The following CERCAM variants were observed in gnomAD, a reference collection of about 807,000 sequenced individuals.
CERCAM encodes the protein cerebral endothelial cell adhesion molecule.
In CERCAM, 59 loss-of-function variants were observed where a neutral mutation model predicts 66.0. That is an observed-to-expected ratio of 0.89 (90% CI 0.73 to 1.11). The LOEUF is 1.11. CERCAM is among the 50% of genes most tolerant of loss of function. CERCAM has a pLI of 0.00. For missense variants in CERCAM, 840 were observed against 828.3 expected (o/e 1.01, Z -0.17); for synonymous variants, 318 against 343.6 (o/e 0.93, Z 0.83).
intron 1 of CERCAM, 148 bp from the exon 2 acceptor site, chr9:128,422,720 G>A (rs1186036461): frequency 1.2e-6 from 1 of 851,852 alleles, no homozygotes; most frequent in Non-Finnish European, 1.8e-6. Context: ...TGGCTGTGCT[G>A]CCTCCAGCCT....
intron 5 of CERCAM, among the ~76,000 whole-genome samples, chr9:128,426,437 G>A (rs775233277): frequency 2.6e-5 from 4 of 151,824 alleles, no homozygotes; most frequent in Non-Finnish European, 5.9e-5. Context: ...ATCTTAAGAC[G>A]GTGAAACCCC....
intron 3 of CERCAM, among the ~76,000 whole-genome samples, chr9:128,423,670 G>A (rs1833767989): frequency 1.3e-5 from 2 of 151,876 alleles, no homozygotes; most frequent in African/African-American, 4.8e-5. Context: ...CCACCCGAAG[G>A]CTGGATCCTT....
intron 5 of CERCAM, among the ~76,000 whole-genome samples, chr9:128,425,815 CTTTT>C (rs75397129): frequency 9.3e-6 from 1 of 107,434 alleles, no homozygotes; most frequent in Non-Finnish European, 1.8e-5. Flanking sequence ...CCAGCCCAGC[CTTTT>C]TTTTTTTTTT....
At position 128,434,633 on chromosome 9, in the gene CERCAM, C is replaced by T. The variant is rs556340493; in HGVS notation, c.1535+20C>T. The T allele has an allele frequency of 1.0e-5, 16 of 1,551,904 alleles. No homozygotes were observed. Among genetic ancestry groups the T allele is most frequent in the South Asian group, 3.4e-5 (3 of 88,374 alleles). ...CCCCAAGTGAGGCTCTGATGGGGGC[C>T]GGGCATGGCAGGGCAGAGGCGTCCC... On this transcript the variant is annotated intron_variant, in intron 11 of 12. Transcript: ENST00000372838. The surrounding 1 kb of genome is among the most constrained non-coding windows in gnomAD (Gnocchi z 4.5).
At chr9:128,424,002 G>A in intron 3 of CERCAM, 136 bp from the exon 4 acceptor site, 1 of 946,120 alleles carries the variant, frequency 1.1e-6, no homozygotes, top group Admixed American at 2.3e-5. Flanking sequence ...GATGTACTGA[G>A]TTTGTGAGAC....
chr9:128,421,260 A>G, intron 1 of CERCAM, 186 bp downstream of exon 1: 6 of 1,234,806 alleles, frequency 4.9e-6, no homozygotes, highest in Non-Finnish European at 6.1e-6. Flanking sequence ...CTGGGAGACG[A>G]CAGACCTCTG....
rs1834127661 is a variant in CERCAM at position 128,437,016 on chromosome 9, A to T, written c.*168A>T. ...TCTTTCATCGGGAGAAACCACTCAG[A>T]GATGGATCCCATTCCCTAAAGGTCT... is the stretch of plus-strand genomic sequence containing the variant. On this transcript the variant is annotated 3_prime_UTR_variant, in exon 13 of 13. Coordinates refer to ENST00000372838, the MANE Select transcript of CERCAM (RefSeq NM_016174.5). 1 of 152,318 alleles carries T rather than the reference A, an allele frequency of 6.6e-6. No individual in the cohort carries two copies. The highest frequency in any genetic ancestry group is 1.5e-5 in the Non-Finnish European group (1 of 68,140). The allele number at this position is 152,318 out of a possible 1,614,324, so 9.4% of individuals were successfully genotyped here. A position where few individuals can be genotyped will look rare whatever the true frequency, so the allele number is the denominator to read the frequency against.
chr9:128,429,620 G>T (rs570252471), intron 8 of CERCAM, among the ~76,000 whole-genome samples: 17 of 151,748 alleles, frequency 1.1e-4, no homozygotes, highest in Non-Finnish European at 1.8e-4. Flanking sequence ...TTTTTTTAGA[G>T]ACAGCGTCTC....
upstream of CERCAM, chr9:128,420,802 G>GGGCCCCAGGCCCCGCCCC (rs1219100430): frequency 7.9e-6 from 5 of 629,600 alleles, no homozygotes; most frequent in Non-Finnish European, 4.3e-6. This position sits in a 1 kb window ranked among gnomAD's most constrained non-coding sequence, Gnocchi z 5.0. Flanking sequence ...GGCCCCGCCC[G>GGGCCCCAGGCCCCGCCCC]GGCCCCAGGC....
chr9:128,433,994 G>C, intron 9 of CERCAM, 108 bp from the exon 10 acceptor site: 1 of 1,464,416 alleles, frequency 6.8e-7, no homozygotes, highest in African/African-American at 1.4e-5. Context: ...GCAACTGCAT[G>C]ATGTGGCCAG....
chr9:128,425,816 T>G (rs1359770811), intron 5 of CERCAM, among the ~76,000 whole-genome samples: 1 of 75,452 alleles, frequency 1.3e-5, no homozygotes, highest in Non-Finnish European at 2.4e-5. Context: ...CAGCCCAGCC[T>G]TTTTTTTTTT....
At position 128,434,224 on chromosome 9, in the gene CERCAM, C is replaced by G; in HGVS notation, c.1326C>G (p.Asp442Glu). The change falls in exon 10 of 13, where the codon GAC becomes GAG. Residue 442 changes from aspartate (D) to glutamate (E), a missense_variant. By Grantham distance (45) the Asp-to-Glu change is conservative. Coordinates refer to ENST00000372838, the MANE Select transcript of CERCAM (RefSeq NM_016174.5). The surrounding 1 kb of genome is among the most constrained non-coding windows in gnomAD (Gnocchi z 4.5). ...EDVEAEKLSW[D>E]LIYLGRKQVN... ...TGGAGGCAGAGAAACTGTCTTGGGACCTGATGTAGGCAGCCTGCACCCTCA... is the reference window on the plus strand; with the variant it reads ...TGGAGGCAGAGAAACTGTCTTGGGAGCTGATGTAGGCAGCCTGCACCCTCA... 1 of 1,613,992 alleles carries G rather than the reference C, an allele frequency of 6.2e-7. No homozygotes were observed. Among genetic ancestry groups the G allele is most frequent in the Non-Finnish European group, 8.5e-7 (1 of 1,179,976 alleles).
intron 5 of CERCAM, 152 bp downstream of exon 5, chr9:128,424,766 T>A: frequency 2.1e-5 from 3 of 143,936 alleles, no homozygotes; most frequent in Non-Finnish European, 4.1e-5. Context: ...TTTCTCTCTC[T>A]TTTTTTTTTT....
At position 128,434,055 on chromosome 9, in the gene CERCAM, G is replaced by T. The variant is rs2072398; in HGVS notation, c.1204-47G>T. ...TGAGCTTCAGCGTGGAGGGAGGGGG[G>T]TTGTTTAACTCCGAAGAGCCATCTC... is the stretch of plus-strand genomic sequence containing the variant. On this transcript the variant is annotated intron_variant, in intron 9 of 12. Transcript: ENST00000372838. This position sits in a 1 kb window ranked among gnomAD's most constrained non-coding sequence, Gnocchi z 4.5. 9.4e-6 allele frequency: 15 copies of T among 1,603,986 alleles called. No homozygotes were observed. The highest frequency in any genetic ancestry group is 8.9e-5 in the South Asian group (8 of 89,502).
chr9:128,429,850 G>T (rs548141542), intron 8 of CERCAM, among the ~76,000 whole-genome samples: 3 of 151,576 alleles, frequency 2.0e-5, no homozygotes, highest in African/African-American at 7.3e-5. Flanking sequence ...GTGCAGTGGC[G>T]CAATCTTGGC....
intron 5 of CERCAM, 130 bp downstream of exon 5, chr9:128,424,744 C>A: frequency 1.7e-5 from 13 of 756,608 alleles, no homozygotes; most frequent in Non-Finnish European, 2.7e-5. Context: ...AACTTTGGGT[C>A]ATGAGTTTTC....
chr9:128,422,846 C>T, intron 1 of CERCAM, 22 bp from the exon 2 acceptor site: 1 of 1,613,012 alleles, frequency 6.2e-7, no homozygotes. Flanking sequence ...GCCCCCTCAG[C>T]CTTTTTTCTT....
intron 5 of CERCAM, among the ~76,000 whole-genome samples, chr9:128,425,381 G>A (rs1347122704): frequency 6.6e-6 from 1 of 152,016 alleles, no homozygotes; most frequent in Non-Finnish European, 1.5e-5. Context: ...GAAAGAGTTT[G>A]GGTATGGCCA....
intron 8 of CERCAM, 45 bp from the exon 9 acceptor site, chr9:128,431,126 G>T (rs1431815477): frequency 1.9e-6 from 3 of 1,604,598 alleles, no homozygotes; most frequent in East Asian, 2.2e-5. Flanking sequence ...CTCTGGAGGG[G>T]TCTCTGGCAG....
Sources: allele counts gnomAD v4.1 joint callset (sites outside exome capture counted in the v4.1 genomes callset), GRCh38; gene constraint gnomAD v4.1.1; non-coding constraint Gnocchi (gnomAD v3.1); transcripts MANE v1.5; gene names NCBI Gene and HGNC (gene_info 2026-07-23, HGNC 2026-07-21).